Variants in IPO9 observed in about 807,000 individuals in gnomAD.
The protein encoded by IPO9 is importin-9.
Under a neutral mutation model 128.6 loss-of-function variants are expected in IPO9, and 28 were observed. That is an observed-to-expected ratio of 0.22 (90% CI 0.16 to 0.30). The LOEUF (loss-of-function observed/expected upper bound fraction) is 0.30, where lower values mean the gene tolerates loss of function less well. Among genes scored for constraint, IPO9 ranks in the 10% least tolerant of loss-of-function variants. The pLI is 1.00. For synonymous variants in IPO9, 455 were observed against 475.8 expected (o/e 0.96, Z 0.57); for missense variants, 935 against 1,293.9 (o/e 0.72, Z 4.26).
intron 14 of IPO9, among the ~76,000 whole-genome samples, chr1:201,865,027 A>G (rs548971932): frequency 6.6e-6 from 1 of 152,242 alleles, no homozygotes; most frequent in East Asian, 1.9e-4. Flanking sequence ...TTCATTGTCA[A>G]ACACTGGATT....
rs1680770282 is a variant in IPO9, at chr1:201,876,670, T to A, written c.*616T>A. The A allele has an allele frequency of 6.4e-6, 1 of 155,720 alleles. No homozygotes were observed. Among genetic ancestry groups the A allele is most frequent in the South Asian group, 1.9e-4 (1 of 5,262 alleles). The allele number at this position is 155,720 out of a possible 1,614,324, so 9.6% of individuals were successfully genotyped here. On this transcript the variant is annotated 3_prime_UTR_variant, in exon 24 of 24. Transcript: ENST00000361565. Reference sequence around the variant, plus strand: ...CTTGTTTTTGCTTCATTGCATGACATAACCCTTCCCCTCAAGCTGTTCCTA... The same window carrying A: ...CTTGTTTTTGCTTCATTGCATGACAAAACCCTTCCCCTCAAGCTGTTCCTA...
intron 20 of IPO9, among the ~76,000 whole-genome samples, chr1:201,873,537 C>T (rs570513467): frequency 2.0e-5 from 3 of 151,060 alleles, no homozygotes; most frequent in Admixed American, 6.6e-5. Context: ...CGCCTGAGGC[C>T]GGGAGTTCGA....
Position 201,870,462 on chromosome 1 carries a change from A to G in IPO9, c.2134-121A>G. 1 of 1,116,772 alleles carries G rather than the reference A, an allele frequency of 9.0e-7. No homozygotes were observed. The highest frequency in any genetic ancestry group is 1.3e-6 in the Non-Finnish European group (1 of 799,590). The allele number at this position is 1,116,772 out of a possible 1,614,324, so 69.2% of individuals were successfully genotyped here. A position where few individuals can be genotyped will look rare whatever the true frequency, so the allele number is the denominator to read the frequency against. On this transcript the variant is annotated intron_variant, in intron 17 of 23. Transcript: ENST00000361565. The surrounding 1 kb of genome is among the most constrained non-coding windows in gnomAD (Gnocchi z 4.9). ...CCAGTGGTATGAGCCCACCACAAAC[A>G]TTATAGACTCACCGCTTTTATGAGG... is the stretch of plus-strand genomic sequence containing the variant.
At chr1:201,868,261 T>C (rs1444501260) in intron 15 of IPO9, among the ~76,000 whole-genome samples, 2 of 152,110 alleles carry the variant, frequency 1.3e-5, no homozygotes, top group African/African-American at 2.4e-5. Flanking sequence ...AGCCAGTGTT[T>C]TGGCAATTTT....
Position 201,876,577 on chromosome 1 carries a change from G to GC in IPO9, c.*525dup. On this transcript the variant is annotated 3_prime_UTR_variant, in exon 24 of 24. Transcript: ENST00000361565. ...ACAGGCAAGAGCAGCTTCATTCTAA[G>GC]CCTTTCCAGTGACCTCAGCCTTGCT... is the stretch of plus-strand genomic sequence containing the variant. The GC allele has an allele frequency of 5.2e-6, 1 of 193,494 alleles. No homozygotes were observed. Among genetic ancestry groups the GC allele is most frequent in the Non-Finnish European group, 1.1e-5 (1 of 91,556 alleles). The allele number at this position is 193,494 out of a possible 1,614,324, so 12.0% of individuals were successfully genotyped here. A position where few individuals can be genotyped will look rare whatever the true frequency, so the allele number is the denominator to read the frequency against.
chr1:201,847,578 T>C lies in IPO9; in HGVS notation c.252T>C (p.Tyr84=), dbSNP rs1680145300. The change falls in exon 3 of 24, where the codon TAT becomes TAC. Residue 84 remains tyrosine, a synonymous_variant. Coordinates refer to ENST00000361565, the MANE Select transcript of IPO9 (RefSeq NM_018085.5). The part of the protein sequence containing the change: ...RQLASVILKQ[Y]VETHWCAQSE... ...TGGCATCAGTCATCTTGAAACAATA[T>C]GTGGAGACTCACTGGTGTGCCCAAT... is the stretch of plus-strand genomic sequence containing the variant. The C allele has an allele frequency of 1.2e-6, 2 of 1,614,062 alleles. No individual in the cohort carries two copies. Among genetic ancestry groups the C allele is most frequent in the Non-Finnish European group, 1.7e-6 (2 of 1,179,972 alleles).
intron 15 of IPO9, 51 bp from the exon 16 acceptor site, chr1:201,868,597 C>T (rs1680596386): frequency 1.1e-5 from 17 of 1,567,934 alleles, no homozygotes; most frequent in Non-Finnish European, 1.4e-5. Flanking sequence ...AAGCGAGAAG[C>T]AGATGCAGAC....
At chr1:201,873,218 A>G (rs1033044879) in intron 20 of IPO9, among the ~76,000 whole-genome samples, 1 of 151,254 alleles carries the variant, frequency 6.6e-6, no homozygotes, top group African/African-American at 2.4e-5. Flanking sequence ...GCCAGAGCGG[A>G]TGGATCACTT....
At chr1:201,855,636 G>GC in intron 9 of IPO9, 147 bp from the exon 10 acceptor site, 2 of 691,070 alleles carry the variant, frequency 2.9e-6, no homozygotes, top group Non-Finnish European at 4.7e-6. Flanking sequence ...TGACCTCTGA[G>GC]CCCTCTCTCC....
intron 1 of IPO9, among the ~76,000 whole-genome samples, chr1:201,838,657 C>CA (rs929082852): frequency 2.6e-4 from 36 of 140,132 alleles, no homozygotes; most frequent in South Asian, 6.8e-4. Context: ...GCGGTCATGC[C>CA]AAAAAAAAAA....
At position 201,878,264 on chromosome 1, in the gene IPO9, A is replaced by C. The variant is rs1680813717; in HGVS notation, c.*2210A>C. 1 of 152,456 alleles carries C rather than the reference A, an allele frequency of 6.6e-6. No individual in the cohort carries two copies. Among genetic ancestry groups the C allele is most frequent in the South Asian group, 2.1e-4 (1 of 4,826 alleles). 9.4% of individuals were successfully genotyped at this position (152,456 alleles called of 1,614,324 possible). ...AACCACCCTCGGCCTTGCAGACTCC[A>C]TAGTTTATCTCAAGGCAGTGCCAGT... On this transcript the variant is annotated 3_prime_UTR_variant, in exon 24 of 24. Coordinates refer to ENST00000361565, the MANE Select transcript of IPO9 (RefSeq NM_018085.5).
chr1:201,879,462 T>G lies in IPO9; in HGVS notation c.*3408T>G, dbSNP rs967580777. The G allele has an allele frequency of 2.0e-5, 3 of 152,178 alleles. No homozygotes were observed. Among genetic ancestry groups the G allele is most frequent in the Admixed American group, 2.0e-4 (3 of 15,284 alleles). The allele number at this position is 152,178 out of a possible 1,614,324, so 9.4% of individuals were successfully genotyped here. On this transcript the variant is annotated 3_prime_UTR_variant, in exon 24 of 24. Coordinates refer to ENST00000361565, the MANE Select transcript of IPO9 (RefSeq NM_018085.5). ...TCCTTTGATATTAGTGACAGATGAC[T>G]TTTTTTATGCCTTACCCATTCCACA...
intron 1 of IPO9, among the ~76,000 whole-genome samples, chr1:201,834,030 T>A (rs1348684459): frequency 6.6e-6 from 1 of 152,068 alleles, no homozygotes; most frequent in Non-Finnish European, 1.5e-5. Context: ...CAAGTGATCC[T>A]CCTAAAGTGC....
chr1:201,829,778 G>A (rs1195911837), intron 1 of IPO9, among the ~76,000 whole-genome samples: 1 of 152,116 alleles, frequency 6.6e-6, no homozygotes, highest in Non-Finnish European at 1.5e-5. Context: ...AGTAGGGGGA[G>A]CTATTAGTAG....
At chr1:201,841,127 A>G (rs1360864647) in intron 1 of IPO9, among the ~76,000 whole-genome samples, 1 of 152,242 alleles carries the variant, frequency 6.6e-6, no homozygotes, top group Non-Finnish European at 1.5e-5. Context: ...AATGAACCTA[A>G]ATGTTTTACA....
At chr1:201,863,098 C>T (rs1306310033) in intron 13 of IPO9, among the ~76,000 whole-genome samples, 2 of 152,140 alleles carry the variant, frequency 1.3e-5, no homozygotes, top group African/African-American at 4.8e-5. Context: ...TGCCTGTAAT[C>T]CCAGCACTTT....
Position 201,829,252 on chromosome 1 carries a change from G to T in IPO9, c.43G>T (p.Gly15Cys), listed in dbSNP as rs1257283224. The T allele has an allele frequency of 6.3e-7, 1 of 1,586,010 alleles. No individual in the cohort carries two copies. Among genetic ancestry groups the T allele is most frequent in the Admixed American group, 1.8e-5 (1 of 57,006 alleles). The change falls in exon 1 of 24, where the codon GGT becomes TGT. Residue 15 changes from glycine to cysteine, a missense_variant. Gly to Cys is a radical substitution (Grantham distance 159). This residue lies in a region of IPO9 where 741 missense variants were observed against 1,019.1 expected (regional missense o/e 0.73). Transcript: ENST00000361565. The stretch of plus-strand genomic sequence containing the variant: ...AGCTGGTGCGGCCTCCGGGCTGCCG[G>T]GTCCAGTGGCACAAGGATTAAAGGA... ...AAAGAASGLP[G>C]PVAQGLKEAL...
At chr1:201,844,540 T>C (rs987823357) in intron 1 of IPO9, among the ~76,000 whole-genome samples, 12 of 152,176 alleles carry the variant, frequency 7.9e-5, no homozygotes, top group Non-Finnish European at 1.3e-4. Context: ...TCAAGTCTAG[T>C]TTAGTTAATA....
At chr1:201,850,824 CTT>C in intron 4 of IPO9, 1 of 152,266 alleles carries the variant, frequency 6.6e-6, no homozygotes, top group South Asian at 2.1e-4. Context: ...AAAGCTCAGA[CTT>C]TATCCTTGAG....
Sources: allele counts gnomAD v4.1 joint callset (sites outside exome capture counted in the v4.1 genomes callset), GRCh38; gene constraint gnomAD v4.1.1; regional missense constraint gnomAD v4.1.1; non-coding constraint Gnocchi (gnomAD v3.1); transcripts MANE v1.5; gene names NCBI Gene and HGNC (gene_info 2026-07-23, HGNC 2026-07-21).